Variants in CNTNAP2 observed in about 807,000 individuals in gnomAD.
The protein encoded by CNTNAP2 is contactin-associated protein-like 2.
CNTNAP2 carries 98 observed loss-of-function variants against 155.2 expected under a neutral mutation model. The ratio of observed to expected loss-of-function variants is 0.63; its 90% CI spans 0.54 to 0.75. CNTNAP2 has a LOEUF of 0.75. Ranked by LOEUF, CNTNAP2 falls within the 30% of genes least tolerant of loss-of-function variation. The pLI, the probability that CNTNAP2 is intolerant of heterozygous loss-of-function variation, is 0.00. For missense variants in CNTNAP2, 1,727 were observed against 1,688.1 expected, an observed-to-expected ratio of 1.02 and a Z score of -0.40; for synonymous variants, 651 against 631.2, an observed-to-expected ratio of 1.03 and a Z score of -0.47.
At chr7:146,929,298 C>A (rs1039296263) in intron 3 of CNTNAP2, among the ~76,000 whole-genome samples, 15 of 152,178 alleles carry the variant, frequency 9.9e-5, no homozygotes, top group Middle Eastern at 3.2e-3. Context: ...CTCTGCTCTG[C>A]AGCCACCACT....
rs191551700 is a variant in CNTNAP2, at chr7:146,349,837, C to T, written c.97+232864C>T. Among the ~76,000 whole-genome samples, 60 of 152,238 alleles carry T rather than the reference C, an allele frequency of 3.9e-4. 1 individual carries two copies. Among genetic ancestry groups the T allele is most frequent in the Admixed American group, 2.9e-3 (44 of 15,284 alleles). ...CTTGTAGAGTTTCTACCGAGAGATCCGCTGTTAGTCTGATGGGTTTCCCTT... is the reference window on the plus strand; with the variant it reads ...CTTGTAGAGTTTCTACCGAGAGATCTGCTGTTAGTCTGATGGGTTTCCCTT... On this transcript the variant is annotated intron_variant, in intron 1 of 23. Transcript: ENST00000361727.
chr7:147,617,163 C>A (rs1447858475), intron 12 of CNTNAP2, among the ~76,000 whole-genome samples: 1 of 152,120 alleles, frequency 6.6e-6, no homozygotes, highest in South Asian at 2.1e-4. Flanking sequence ...GCGACACATC[C>A]CCATTCATCT....
chr7:147,928,309 C>G (rs1800435362), intron 14 of CNTNAP2, among the ~76,000 whole-genome samples: 1 of 152,072 alleles, frequency 6.6e-6, no homozygotes, highest in Admixed American at 6.6e-5. Context: ...ACCTCAATTT[C>G]TCAAAGTGAG....
At chr7:148,261,662 C>CA (rs1796564273) in intron 20 of CNTNAP2, among the ~76,000 whole-genome samples, 1 of 152,104 alleles carries the variant, frequency 6.6e-6, no homozygotes, top group African/African-American at 2.4e-5. Context: ...CTCTGGAGTG[C>CA]AGGTGGGGGA....
chr7:147,051,076 C>T (rs7799418), intron 4 of CNTNAP2, among the ~76,000 whole-genome samples: 90,536 of 151,526 alleles, frequency 0.6, 30,035 homozygotes, highest in African/African-American at 0.9. Context: ...TCTTAACAAG[C>T]TATATCCACA....
chr7:147,040,799 C>T (rs1457425438), intron 3 of CNTNAP2, among the ~76,000 whole-genome samples: 1 of 152,002 alleles, frequency 6.6e-6, no homozygotes, highest in African/African-American at 2.4e-5. Flanking sequence ...TAAAGAAAAG[C>T]CAGATGCTAT....
At chr7:147,428,848 G>C (rs1370959487) in intron 10 of CNTNAP2, among the ~76,000 whole-genome samples, 1 of 151,956 alleles carries the variant, frequency 6.6e-6, no homozygotes, top group Non-Finnish European at 1.5e-5. Flanking sequence ...ATATTTAGGG[G>C]TAATTTCTGA....
chr7:146,538,776 T>G (rs1475627312), intron 1 of CNTNAP2, among the ~76,000 whole-genome samples: 1 of 151,482 alleles, frequency 6.6e-6, no homozygotes, highest in African/African-American at 2.4e-5. Flanking sequence ...TAGAATAAGT[T>G]TAAAAGCAGA....
At chr7:146,126,211 G>A (rs1160010155) in intron 1 of CNTNAP2, among the ~76,000 whole-genome samples, 1 of 152,136 alleles carries the variant, frequency 6.6e-6, no homozygotes, top group Non-Finnish European at 1.5e-5. Context: ...CTCTAACTAA[G>A]AAGTTTCAGC....
chr7:148,292,853 A>G (rs973309700), intron 21 of CNTNAP2, among the ~76,000 whole-genome samples: 2 of 152,100 alleles, frequency 1.3e-5, no homozygotes, highest in Admixed American at 1.3e-4. Context: ...TCTGCCCTAC[A>G]CTGGGATGCC....
chr7:146,591,473 A>G lies in CNTNAP2; in HGVS notation c.98-182798A>G, dbSNP rs1798783162. ...CAAGAATACCTGAGTATGAAAATAG[A>G]TGTGAAATTTTAGCAGTCTATCAAT... On this transcript the variant is annotated intron_variant, in intron 1 of 23. Transcript: ENST00000361727. Among the ~76,000 whole-genome samples the G allele has an allele frequency of 5.7e-5, 6 of 104,736 alleles. No individual in the cohort carries two copies. In the South Asian group the frequency reaches 2.0e-3, roughly 36 times the overall value. 68.7% of individuals were successfully genotyped at this position (104,736 alleles called of 152,430 possible).
chr7:147,350,022 T>A lies in CNTNAP2; in HGVS notation c.1499-45587T>A, dbSNP rs898126205. Among the ~76,000 whole-genome samples, 18 of 151,984 alleles carry A rather than the reference T, an allele frequency of 1.2e-4. 1 individual carries two copies. The highest frequency in any genetic ancestry group is 8.3e-4 in the South Asian group (4 of 4,828). On this transcript the variant is annotated intron_variant, in intron 9 of 23. Coordinates refer to ENST00000361727, the MANE Select transcript of CNTNAP2 (RefSeq NM_014141.6). ...ATTTTTTGCATGAATAATGAACAAA[T>A]TTATAAATTATAACATCATTCCTGT...
At chr7:146,462,566 A>G (rs1796653374) in intron 1 of CNTNAP2, among the ~76,000 whole-genome samples, 1 of 152,184 alleles carries the variant, frequency 6.6e-6, no homozygotes, top group South Asian at 2.1e-4. Flanking sequence ...TGCTCTTGAT[A>G]TTGGTGTGAG....
chr7:147,140,967 C>A (rs925864929), intron 8 of CNTNAP2, among the ~76,000 whole-genome samples: 2 of 152,124 alleles, frequency 1.3e-5, no homozygotes, highest in African/African-American at 4.8e-5. Context: ...CTCTTATCTA[C>A]TGCTAAGATT....
At chr7:148,090,500 T>G (rs1803817474) in intron 15 of CNTNAP2, among the ~76,000 whole-genome samples, 1 of 152,040 alleles carries the variant, frequency 6.6e-6, no homozygotes, top group Non-Finnish European at 1.5e-5. Context: ...CAAATATATT[T>G]AAAAGGTTTA....
intron 21 of CNTNAP2, among the ~76,000 whole-genome samples, chr7:148,275,888 G>A (rs1796862958): frequency 6.6e-6 from 1 of 152,198 alleles, no homozygotes; most frequent in South Asian, 2.1e-4. Flanking sequence ...ATCGTAGCCA[G>A]GTCACATTGC....
intron 3 of CNTNAP2, among the ~76,000 whole-genome samples, chr7:146,980,088 A>G (rs1242591035): frequency 6.6e-6 from 1 of 152,160 alleles, no homozygotes; most frequent in African/African-American, 2.4e-5. Flanking sequence ...TGTCCAGGAA[A>G]AGAAAAGAGC....
chr7:147,255,943 A>G (rs537296345), intron 8 of CNTNAP2, among the ~76,000 whole-genome samples: 1 of 150,384 alleles, frequency 6.6e-6, no homozygotes, highest in East Asian at 2.0e-4. Context: ...ATTTCACTAC[A>G]TTGGCCAGGC....
At chr7:148,032,583 G>T (rs1019218584) in intron 15 of CNTNAP2, among the ~76,000 whole-genome samples, 5 of 152,136 alleles carry the variant, frequency 3.3e-5, no homozygotes, top group Non-Finnish European at 5.9e-5. Flanking sequence ...GACACCCAAG[G>T]GAAACGTTCA....
Sources: gnomAD v4.1 joint callset for allele counts (sites outside exome capture counted in the v4.1 genomes callset) on GRCh38, gnomAD v4.1.1 for gene constraint, MANE v1.5 for transcripts, NCBI Gene and HGNC (gene_info 2026-07-23, HGNC 2026-07-21) for gene names.